SUSD6: variants seen among roughly 807,000 people sequenced by gnomAD.
SUSD6 encodes the protein sushi domain-containing protein 6.
In SUSD6, 16 loss-of-function variants were observed where a neutral mutation model predicts 28.4. That is an observed-to-expected ratio of 0.56 (90% CI 0.38 to 0.86). SUSD6 has a LOEUF of 0.86. Ranked by LOEUF, SUSD6 falls within the 40% of genes least tolerant of loss-of-function variation. The pLI is 0.00. For synonymous variants in SUSD6, 147 were observed against 159.6 expected, an observed-to-expected ratio of 0.92 and a Z score of 0.59; for missense variants, 341 against 384.2, an observed-to-expected ratio of 0.89 and a Z score of 0.94.
At chr14:69,659,505 T>G (rs1885631693) in intron 2 of SUSD6, among the ~76,000 whole-genome samples, 1 of 151,906 alleles carries the variant, frequency 6.6e-6, no homozygotes, top group East Asian at 1.9e-4. Flanking sequence ...CATTGAGCCT[T>G]TTTGTTTGTT....
intron 2 of SUSD6, among the ~76,000 whole-genome samples, chr14:69,680,948 C>T (rs927956286): frequency 4.6e-5 from 7 of 152,190 alleles, no homozygotes; most frequent in African/African-American, 1.7e-4. Flanking sequence ...AAGGCTGATA[C>T]ATCTCCATCC....
chr14:69,672,302 G>A (rs1323589349), intron 2 of SUSD6, among the ~76,000 whole-genome samples: 2 of 152,110 alleles, frequency 1.3e-5, no homozygotes, highest in Non-Finnish European at 2.9e-5. Flanking sequence ...GAGAGAGGAG[G>A]GATCATTAAA....
At chr14:69,630,177 T>C (rs982714241) in intron 1 of SUSD6, among the ~76,000 whole-genome samples, 35 of 152,218 alleles carry the variant, frequency 2.3e-4, no homozygotes, top group African/African-American at 8.4e-4. Context: ...AGTAGATTGC[T>C]TGTGTACCCA....
chr14:69,710,829 G>A, intron 5 of SUSD6, 125 bp from the exon 6 acceptor site: 1 of 877,010 alleles, frequency 1.1e-6, no homozygotes, highest in Admixed American at 1.9e-5. Flanking sequence ...AAGTGTATGA[G>A]TGGGACATTT....
intron 1 of SUSD6, among the ~76,000 whole-genome samples, chr14:69,639,869 G>A (rs1018096235): frequency 4.6e-5 from 7 of 151,746 alleles, no homozygotes; most frequent in Non-Finnish European, 7.4e-5. Flanking sequence ...AATGGGGGAG[G>A]TGGCACAAAA....
chr14:69,704,604 A>T lies in SUSD6; in HGVS notation c.320A>T (p.Asp107Val), dbSNP rs1320185734. The T allele has an allele frequency of 1.2e-6, 2 of 1,610,966 alleles. No individual in the cohort carries two copies. Among genetic ancestry groups the T allele is most frequent in the African/African-American group, 2.7e-5 (2 of 74,714 alleles). The change falls in exon 4 of 6, where the codon GAT becomes GTT. Residue 107 changes from aspartate (D) to valine (V), a missense_variant and splice_region_variant. Asp to Val is a radical substitution (Grantham distance 152, BLOSUM62 -3). Coordinates refer to ENST00000342745, the MANE Select transcript of SUSD6 (RefSeq NM_014734.4). ...TTCTGATGATGGCTTGTTTTTATAGATAAAGACACCCACACATCACTTGGG... is the reference window on the plus strand; with the variant it reads ...TTCTGATGATGGCTTGTTTTTATAGTTAAAGACACCCACACATCACTTGGG... ...AMEISCRLNEDKDTHTSLGVP... is the reference protein window; with the variant it reads ...AMEISCRLNEVKDTHTSLGVP...
chr14:69,644,900 A>G (rs1243398115), intron 1 of SUSD6, among the ~76,000 whole-genome samples: 1 of 152,172 alleles, frequency 6.6e-6, no homozygotes, highest in African/African-American at 2.4e-5. Context: ...ACCTTGGCAG[A>G]GGGACTTTGT....
At chr14:69,616,115 T>G (rs1055140844) in intron 1 of SUSD6, among the ~76,000 whole-genome samples, 3 of 152,230 alleles carry the variant, frequency 2.0e-5, no homozygotes, top group African/African-American at 7.2e-5. Context: ...TCAGTGGGTT[T>G]GCAGACGGCA....
intron 2 of SUSD6, among the ~76,000 whole-genome samples, chr14:69,698,415 A>G (rs535930019): frequency 7.0e-4 from 107 of 152,200 alleles, no homozygotes; most frequent in Non-Finnish European, 1.4e-3. Context: ...GGCTGCATGC[A>G]TGTCACACTG....
rs1293374350 is a variant in SUSD6 at position 69,708,837 on chromosome 14, A to G, written c.619A>G (p.Ser207Gly). The G allele has an allele frequency of 6.2e-7, 1 of 1,614,122 alleles. No individual in the cohort carries two copies. ...TGTGCTGTCAGAAGGGTCTGGGCCC[A>G]GTGGGAGGAGCGTGCCAAGGGAGCA... ...QIVLSEGSGP[S>G]GRSVPREQQL... The change falls in exon 5 of 6, where the codon AGT (serine) becomes GGT (glycine). Residue 207 changes from serine to glycine, a missense_variant. Physicochemically the swap from Ser to Gly is moderately conservative, Grantham distance 56. Coordinates refer to ENST00000342745, the MANE Select transcript of SUSD6 (RefSeq NM_014734.4).
chr14:69,700,668 G>T (rs1022780675), intron 2 of SUSD6, among the ~76,000 whole-genome samples: 1 of 152,086 alleles, frequency 6.6e-6, no homozygotes, highest in African/African-American at 2.4e-5. Flanking sequence ...CTACTTCCTC[G>T]GAGATCCTTT....
At chr14:69,693,963 C>A (rs1470314638) in intron 2 of SUSD6, among the ~76,000 whole-genome samples, 5 of 152,236 alleles carry the variant, frequency 3.3e-5, no homozygotes, top group Non-Finnish European at 7.3e-5. Flanking sequence ...CATCTCAAAT[C>A]AAAAATCATT....
intron 1 of SUSD6, among the ~76,000 whole-genome samples, chr14:69,647,529 G>T (rs558071491): frequency 1.5e-4 from 23 of 152,012 alleles, no homozygotes; most frequent in Non-Finnish European, 3.1e-4. Context: ...GAAGTAATAT[G>T]CCCCATTTCA....
intron 4 of SUSD6, among the ~76,000 whole-genome samples, chr14:69,707,048 A>G (rs752257028): frequency 1.2e-4 from 18 of 152,138 alleles, no homozygotes; most frequent in Non-Finnish European, 2.1e-4. Context: ...AAGAAAAACT[A>G]TAGTGGACTG....
At chr14:69,690,532 C>A (rs754333545) in intron 2 of SUSD6, among the ~76,000 whole-genome samples, 3 of 152,216 alleles carry the variant, frequency 2.0e-5, no homozygotes, top group African/African-American at 7.2e-5. Flanking sequence ...TCCAGGAGCA[C>A]GGTATGCTGA....
At chr14:69,670,684 G>C (rs145883481) in intron 2 of SUSD6, among the ~76,000 whole-genome samples, 1 of 152,248 alleles carries the variant, frequency 6.6e-6, no homozygotes, top group Admixed American at 6.5e-5. Flanking sequence ...GGATGATAAC[G>C]TACATACCAT....
intron 2 of SUSD6, among the ~76,000 whole-genome samples, chr14:69,694,797 G>A (rs11623298): frequency 6.6e-6 from 1 of 152,198 alleles, no homozygotes; most frequent in Non-Finnish European, 1.5e-5. Flanking sequence ...TGAGGGGGAG[G>A]AAGTGAGGGG....
intron 2 of SUSD6, among the ~76,000 whole-genome samples, chr14:69,701,705 G>A (rs528734091): frequency 8.5e-5 from 13 of 152,116 alleles, no homozygotes; most frequent in African/African-American, 2.9e-4. Context: ...AGGGGACTTG[G>A]GGGGAGCTTA....
At chr14:69,705,790 G>T (rs1032489479) in intron 4 of SUSD6, among the ~76,000 whole-genome samples, 6 of 152,200 alleles carry the variant, frequency 3.9e-5, no homozygotes, top group African/African-American at 1.4e-4. Context: ...CCAGTCTACT[G>T]CTTTAGCCAC....
Sources: allele counts gnomAD v4.1 joint callset (sites outside exome capture counted in the v4.1 genomes callset), GRCh38; gene constraint gnomAD v4.1.1; transcripts MANE v1.5; gene names NCBI Gene and HGNC (gene_info 2026-07-23, HGNC 2026-07-21).